Variants in TRPM3 observed in about 807,000 individuals in gnomAD.
TRPM3 encodes transient receptor potential cation channel subfamily M member 3, also known as long transient receptor potential channel 3.
TRPM3 carries 77 observed loss-of-function variants against 181.2 expected under a neutral mutation model. The ratio of observed to expected loss-of-function variants is 0.42; its 90% confidence interval spans 0.35 to 0.51. The LOEUF (loss-of-function observed/expected upper bound fraction) is 0.51, where lower values mean the gene tolerates loss of function less well. Among genes scored for constraint, TRPM3 ranks in the 20% least tolerant of loss-of-function variants. The pLI is 0.01. For synonymous variants in TRPM3, 745 were observed against 796.4 expected, an observed-to-expected ratio of 0.94 and a Z score of 1.09; for missense variants, 1,759 against 2,196.7, an observed-to-expected ratio of 0.80 and a Z score of 3.98.
chr9:71,258,151 A>G (rs1359821038), intron 1 of TRPM3, among the ~76,000 whole-genome samples: 1 of 152,204 alleles, frequency 6.6e-6, no homozygotes, highest in Non-Finnish European at 1.5e-5. Context: ...AGGTAAATTA[A>G]ATGTCCCTCA....
chr9:71,408,653 G>A (rs557443905), intron 1 of TRPM3, among the ~76,000 whole-genome samples: 1 of 152,206 alleles, frequency 6.6e-6, no homozygotes, highest in Non-Finnish European at 1.5e-5. Flanking sequence ...GGGACGGGGA[G>A]AATGGAACCA....
At chr9:70,689,174 T>C (rs2067799021) in intron 8 of TRPM3, among the ~76,000 whole-genome samples, 1 of 152,136 alleles carries the variant, frequency 6.6e-6, no homozygotes, top group Non-Finnish European at 1.5e-5. Context: ...CAGGGGTCAA[T>C]CACCCAGTCA....
At chr9:70,868,976 A>T in intron 1 of TRPM3, 3 of 985,078 alleles carry the variant, frequency 3.0e-6, no homozygotes, top group Non-Finnish European at 3.6e-6. Flanking sequence ...GTTAGCTGAA[A>T]TCATTTTACC....
rs537740487 is a variant in TRPM3, at chr9:71,222,813, GCAGGACTCAGCTGATACCCACA to G, written c.183+223818_183+223839del. ...TGGAACTCGGTGCTACCAACACCAG[GCAGGACTCAGCTGATACCCACA>G]GAGGGAACATTTAGACCAGCCCTAG... is the stretch of plus-strand genomic sequence containing the variant. On this transcript the variant is annotated intron_variant, in intron 1 of 24. Coordinates refer to the TRPM3 transcript ENST00000357533. Among the ~76,000 whole-genome samples the G allele has an allele frequency of 6.6e-5, 10 of 152,254 alleles. No homozygotes were observed. In the South Asian group the frequency reaches 1.9e-3, roughly 28 times the overall value.
At chr9:71,158,047 T>A (rs1200745249) in intron 1 of TRPM3, among the ~76,000 whole-genome samples, 2 of 152,182 alleles carry the variant, frequency 1.3e-5, no homozygotes, top group Non-Finnish European at 2.9e-5. Flanking sequence ...AACCTAATTA[T>A]AATATTGTAC....
intron 1 of TRPM3, among the ~76,000 whole-genome samples, chr9:71,243,054 G>T (rs569311872): frequency 1.4e-4 from 21 of 152,178 alleles, no homozygotes; most frequent in Non-Finnish European, 2.6e-4. Flanking sequence ...GTTTTGTTTT[G>T]TTTGTTTCAG....
At chr9:70,811,787 T>C (rs1415072951) in intron 6 of TRPM3, among the ~76,000 whole-genome samples, 2 of 152,174 alleles carry the variant, frequency 1.3e-5, no homozygotes, top group South Asian at 2.1e-4. Context: ...TAGAGGCTAA[T>C]CTACCCAGTT....
intron 1 of TRPM3, among the ~76,000 whole-genome samples, chr9:71,038,014 C>T (rs778090438): frequency 2.0e-5 from 3 of 152,170 alleles, no homozygotes; most frequent in Non-Finnish European, 4.4e-5. Context: ...TTACTGATTA[C>T]AAGGAAGCAG....
In TRPM3 at chr9:70,591,648, G is replaced by A. The variant is rs948038279; in HGVS notation, c.3049-443C>T. ...GGGAGAGTTGAACTATTCCAAGAGC[G>A]ACTGCAATGCTGTAAACCTCCTTTC... On this transcript the variant is annotated intron_variant, in intron 21 of 25. Coordinates refer to ENST00000677713, the MANE Select transcript of TRPM3 (RefSeq NM_001366145.2). 4.6e-5 allele frequency among the ~76,000 whole-genome samples: 7 copies of A among 152,128 alleles called. No homozygotes were observed. In the South Asian group the frequency reaches 6.2e-4, roughly 14 times the overall value.
At chr9:70,878,093 G>A (rs111647179) in intron 1 of TRPM3, among the ~76,000 whole-genome samples, 10 of 152,122 alleles carry the variant, frequency 6.6e-5, no homozygotes, top group African/African-American at 2.4e-4. Context: ...ATATTTGTGT[G>A]TATGTATCTT....
intron 1 of TRPM3, among the ~76,000 whole-genome samples, chr9:71,320,576 T>C (rs1433739807): frequency 6.6e-6 from 1 of 152,198 alleles, no homozygotes; most frequent in Non-Finnish European, 1.5e-5. Flanking sequence ...TCATTGTTCA[T>C]CTCCTTTGCA....
At chr9:71,289,875 CAAAAAAAAAA>C (rs71352367) in intron 1 of TRPM3, among the ~76,000 whole-genome samples, 1,961 of 39,812 alleles carry the variant, frequency 0.049, 55 homozygotes, top group Middle Eastern at 0.22. Context: ...GACTCTGTCT[CAAAAAAAAAA>C]AAAAAAAAAA....
Position 70,784,192 on chromosome 9 carries a change from G to T in TRPM3, c.1061C>A (p.Thr354Asn), listed in dbSNP as rs1341358459. The T allele has an allele frequency of 1.2e-6, 2 of 1,613,642 alleles. No homozygotes were observed. Among genetic ancestry groups the T allele is most frequent in the Admixed American group, 1.7e-5 (1 of 59,968 alleles). Residue 354 changes from threonine (T) to asparagine (N), a missense_variant, in exon 7 of 26, where the codon ACC becomes AAC. This residue lies in a region of TRPM3 where 737 missense variants were observed against 957.4 expected (regional missense o/e 0.77). Coordinates refer to ENST00000677713, the MANE Select transcript of TRPM3 (RefSeq NM_001366145.2). ...ACAGACAACCACTGGCACGGGAGGG[G>T]TGTCTCGAAGGTACTCCAAAACAAT... ...ISIVLEYLRD[T>N]PPVPVVVCDG...
chr9:70,784,170 G>C lies in TRPM3; in HGVS notation c.1083C>G (p.Val361=), dbSNP rs756481368. Residue 361 remains valine, a synonymous_variant, in exon 7 of 26, where the codon GTC becomes GTG. Coordinates refer to ENST00000677713, the MANE Select transcript of TRPM3 (RefSeq NM_001366145.2). ...CCGATGCCCGTCCACTCCCATCACA[G>C]ACAACCACTGGCACGGGAGGGGTGT... ...LRDTPPVPVV[V]CDGSGRASDI... 3.1e-6 allele frequency: 5 copies of C among 1,613,532 alleles called. No individual in the cohort carries two copies. The highest frequency in any genetic ancestry group is 1.7e-5 in the Admixed American group (1 of 59,950).
intron 1 of TRPM3, among the ~76,000 whole-genome samples, chr9:71,150,603 T>G (rs1348534652): frequency 1.3e-5 from 2 of 152,146 alleles, no homozygotes; most frequent in Non-Finnish European, 2.9e-5. Context: ...ACCTTTCAAA[T>G]TATTTATATG....
In TRPM3 at chr9:70,537,284, T is replaced by C; in HGVS notation, c.3829A>G (p.Thr1277Ala). 1 of 1,566,852 alleles carries C rather than the reference T, an allele frequency of 6.4e-7. No individual in the cohort carries two copies. Among genetic ancestry groups the C allele is most frequent in the Non-Finnish European group, 8.7e-7 (1 of 1,152,642 alleles). ...QLEDLIGRMA[T>A]ALERLTGLER... ...AGACCTGTCAGGCGCTCCAGGGCCG[T>C]GGCCATGCGCCCGATAAGGTCTTCC... The change falls in exon 26 of 26, where the codon ACG (threonine) becomes GCG (alanine). Residue 1277 changes from threonine (T) to alanine (A), a missense_variant. Thr to Ala is a moderately conservative substitution (Grantham distance 58). Transcript: ENST00000677713.
At chr9:71,367,959 G>GTGTA (rs1186543028) in intron 1 of TRPM3, among the ~76,000 whole-genome samples, 21 of 138,386 alleles carry the variant, frequency 1.5e-4, no homozygotes, top group East Asian at 8.0e-4. Context: ...GTGTGTGTGT[G>GTGTA]TATATATATA....
chr9:70,619,121 T>A, intron 16 of TRPM3, 26 bp from the exon 17 acceptor site: 2 of 1,591,498 alleles, frequency 1.3e-6, no homozygotes, highest in Non-Finnish European at 1.7e-6. Flanking sequence ...GGTGGAAGAG[T>A]CCTTCAGGTC....
intron 6 of TRPM3, chr9:70,793,684 G>C (rs183466639): frequency 3.4e-5 from 16 of 469,764 alleles, no homozygotes; most frequent in Admixed American, 2.4e-4. Context: ...GAGCTGTTTT[G>C]TAACTATGAA....
Sources: gnomAD v4.1 joint callset for allele counts (sites outside exome capture counted in the v4.1 genomes callset) on GRCh38, gnomAD v4.1.1 for gene constraint, gnomAD v4.1.1 regional missense constraint, MANE v1.5 for transcripts, NCBI Gene and HGNC (gene_info 2026-07-23, HGNC 2026-07-21) for gene names.